Variants in AMZ1 observed in about 807,000 individuals in gnomAD.
AMZ1 encodes archaemetzincin-1.
AMZ1 carries 39 observed loss-of-function variants against 29.9 expected under a neutral mutation model. The observed-to-expected ratio is 1.30, with a 90% CI of 1.01 to 1.70. The LOEUF (loss-of-function observed/expected upper bound fraction) is 1.70. Ranked by LOEUF, AMZ1 falls within the 40% of genes most tolerant of loss-of-function variation. The pLI is 0.00. For missense variants in AMZ1, 1,041 were observed against 680.6 expected (o/e 1.53, Z -5.89); for synonymous variants, 458 against 304.0 (o/e 1.51, Z -5.27).
rs146152926 is a variant in AMZ1, at chr7:2,682,890, C to A, written c.-219+3219C>A. On this transcript the variant is annotated intron_variant, in intron 1 of 6. Transcript: ENST00000312371. ...GCACGGTTCCTTCCACCTGGCACAC[C>A]CCCATCTCTGCCGTTGACCCGGGCT... 5.0e-3 allele frequency among the ~76,000 whole-genome samples: 755 copies of A among 152,330 alleles called. 7 individuals carry two copies. The highest frequency in any genetic ancestry group is 0.017 in the African/African-American group (719 of 41,560).
chr7:2,689,370 T>TGGCG (rs140900828), intron 1 of AMZ1, among the ~76,000 whole-genome samples: 2 of 149,566 alleles, frequency 1.3e-5, no homozygotes, highest in Non-Finnish European at 1.5e-5. Flanking sequence ...AGAACCTCCC[T>TGGCG]GGGGGGGGGA....
chr7:2,738,046 C>G (rs1213073546), intron 4 of AMZ1, among the ~76,000 whole-genome samples: 1 of 152,120 alleles, frequency 6.6e-6, no homozygotes, highest in African/African-American at 2.4e-5. Flanking sequence ...ACACCACATT[C>G]ATATACATTA....
At chr7:2,707,204 C>T (rs766652087) in intron 3 of AMZ1, among the ~76,000 whole-genome samples, 70 of 151,552 alleles carry the variant, frequency 4.6e-4, no homozygotes, top group Non-Finnish European at 8.0e-4. Context: ...ACCTGGGAGG[C>T]GGAGGTTACA....
At position 2,731,007 on chromosome 7, in the gene AMZ1, G is replaced by C; in HGVS notation, n.550+21191G>C. On this transcript the variant is annotated intron_variant and non_coding_transcript_variant, in intron 4 of 4. Coordinates refer to the AMZ1 transcript ENST00000489665. This position sits in a 1 kb window ranked among gnomAD's most constrained non-coding sequence, Gnocchi z 6.0. The stretch of plus-strand genomic sequence containing the variant: ...CAGTAGCTAACGTGACAGTTTCCAT[G>C]TCCTTTTGCCTAGAGCTCGCTGGCT... The C allele has an allele frequency of 1.8e-6, 1 of 544,304 alleles. No individual in the cohort carries two copies. The highest frequency in any genetic ancestry group is 3.3e-6 in the Non-Finnish European group (1 of 304,484). The allele number at this position is 544,304 out of a possible 1,614,324, so 33.7% of individuals were successfully genotyped here. A position where few individuals can be genotyped will look rare whatever the true frequency, so the allele number is the denominator to read the frequency against.
At chr7:2,709,968 G>C (rs926954533) in intron 6 of AMZ1, 152 bp downstream of exon 6, 3 of 1,088,746 alleles carry the variant, frequency 2.8e-6, no homozygotes, top group Non-Finnish European at 2.6e-6. Flanking sequence ...ACCTGCGCTG[G>C]GGTTGAGCTC....
chr7:2,696,470 G>C (rs1356075203), intron 1 of AMZ1, among the ~76,000 whole-genome samples: 4 of 150,652 alleles, frequency 2.7e-5, no homozygotes, highest in Non-Finnish European at 4.4e-5. Flanking sequence ...TGTTAGCCAG[G>C]ATGGTCTCGA....
At chr7:2,752,106 A>G (rs115534894) in intron 4 of AMZ1, among the ~76,000 whole-genome samples, 36 of 152,320 alleles carry the variant, frequency 2.4e-4, no homozygotes, top group African/African-American at 8.7e-4. Flanking sequence ...ACAAAACTTT[A>G]GCAATTTAAA....
At chr7:2,709,867 C>G (rs754115652) in intron 6 of AMZ1, 51 bp downstream of exon 6, 1 of 1,592,090 alleles carries the variant, frequency 6.3e-7, no homozygotes, top group East Asian at 2.3e-5. Flanking sequence ...GCTCCGGAGG[C>G]CCGCGAGCGC....
At chr7:2,726,760 G>A (rs1789637306) in intron 4 of AMZ1, among the ~76,000 whole-genome samples, 1 of 152,246 alleles carries the variant, frequency 6.6e-6, no homozygotes, top group African/African-American at 2.4e-5. Context: ...TGATGCCGAA[G>A]AGCAAGTTAT....
intron 1 of AMZ1, among the ~76,000 whole-genome samples, chr7:2,694,662 A>G (rs1787597785): frequency 1.4e-5 from 2 of 145,732 alleles, no homozygotes; most frequent in African/African-American, 4.9e-5. Context: ...TCTCATATAT[A>G]TAATATATAT....
intron 1 of AMZ1, among the ~76,000 whole-genome samples, chr7:2,696,092 C>T (rs149678013): frequency 1.3e-5 from 2 of 151,774 alleles, no homozygotes; most frequent in African/African-American, 4.8e-5. Flanking sequence ...CTCGCCCCGC[C>T]CCCCACAACC....
intron 3 of AMZ1, among the ~76,000 whole-genome samples, chr7:2,704,119 G>A (rs1406441294): frequency 6.6e-6 from 1 of 152,222 alleles, no homozygotes; most frequent in Non-Finnish European, 1.5e-5. Context: ...TGGATCTCCT[G>A]ACCGCATGAT....
intron 4 of AMZ1, among the ~76,000 whole-genome samples, chr7:2,741,878 G>A (rs965904342): frequency 8.0e-5 from 12 of 150,150 alleles, no homozygotes; most frequent in Non-Finnish European, 1.2e-4. Flanking sequence ...TAATTACCAC[G>A]TATTAGACAC....
chr7:2,720,816 AG>A (rs1418482095), downstream of AMZ1, among the ~76,000 whole-genome samples: 1 of 152,088 alleles, frequency 6.6e-6, no homozygotes, highest in Non-Finnish European at 1.5e-5. Context: ...GCTGGACTAC[AG>A]GTGTGTATCT....
intron 3 of AMZ1, among the ~76,000 whole-genome samples, chr7:2,707,238 C>G (rs1298770171): frequency 6.6e-6 from 1 of 151,204 alleles, no homozygotes; most frequent in Non-Finnish European, 1.5e-5. Context: ...GATAGCGCCA[C>G]TACACTGCAG....
At chr7:2,736,655 G>A (rs548460813) in intron 4 of AMZ1, among the ~76,000 whole-genome samples, 1 of 152,242 alleles carries the variant, frequency 6.6e-6, no homozygotes, top group East Asian at 1.9e-4. Flanking sequence ...ACGCCCATGA[G>A]GAGACCGCCT....
intron 6 of AMZ1, among the ~76,000 whole-genome samples, chr7:2,711,903 G>C (rs925314675): frequency 1.3e-5 from 2 of 152,094 alleles, no homozygotes; most frequent in Non-Finnish European, 2.9e-5. Flanking sequence ...AAATTAGCCA[G>C]GCATGCTGGC....
intron 4 of AMZ1, among the ~76,000 whole-genome samples, chr7:2,750,828 C>T (rs559193700): frequency 8.5e-5 from 13 of 152,214 alleles, no homozygotes; most frequent in African/African-American, 2.4e-4. Flanking sequence ...GAACCAGATT[C>T]GGATATGGCG....
At chr7:2,698,699 A>G (rs543890433) in intron 1 of AMZ1, among the ~76,000 whole-genome samples, 2 of 152,008 alleles carry the variant, frequency 1.3e-5, no homozygotes, top group African/African-American at 2.4e-5. Flanking sequence ...TTAGCAGGAC[A>G]TTGTACACAC....
Sources: allele counts gnomAD v4.1 joint callset (sites outside exome capture counted in the v4.1 genomes callset), GRCh38; gene constraint gnomAD v4.1.1; non-coding constraint Gnocchi (gnomAD v3.1); transcripts MANE v1.5; gene names NCBI Gene and HGNC (gene_info 2026-07-23, HGNC 2026-07-21).